DNMT3B: variants seen among roughly 807,000 people sequenced by gnomAD.
DNMT3B encodes DNA (cytosine-5)-methyltransferase 3B.
A neutral mutation model predicts 120.2 loss-of-function variants in DNMT3B; 37 were observed. The ratio of observed to expected loss-of-function variants is 0.31; its 90% CI spans 0.24 to 0.40. DNMT3B has a LOEUF of 0.40. Among genes scored for constraint, DNMT3B ranks in the 10% least tolerant of loss-of-function variants. The probability of loss-of-function intolerance (pLI) is 1.00; values close to 1 mark genes in which losing one functional copy is unlikely to be tolerated. For missense variants in DNMT3B, 878 were observed against 1,137.3 expected (o/e 0.77, Z 3.28); for synonymous variants, 412 against 442.8 (o/e 0.93, Z 0.87).
intron 1 of DNMT3B, chr20:32,779,958 A>G (rs546475094): frequency 7.1e-5 from 66 of 934,704 alleles, no homozygotes; most frequent in Non-Finnish European, 1.0e-4. Flanking sequence ...GAGGGGACAG[A>G]GGCTGGCGGC....
At chr20:32,790,144 C>T (rs1979801187) in intron 7 of DNMT3B, among the ~76,000 whole-genome samples, 1 of 152,162 alleles carries the variant, frequency 6.6e-6, no homozygotes, top group Admixed American at 6.5e-5. Flanking sequence ...TGAAGTTTCC[C>T]AAGGGCTACA....
At chr20:32,801,001 A>G (rs1326305176) in intron 18 of DNMT3B, 76 bp downstream of exon 18, 1 of 1,559,900 alleles carries the variant, frequency 6.4e-7, no homozygotes, top group East Asian at 2.2e-5. Context: ...GCAGCCTGAG[A>G]AGGAGCCACT....
At chr20:32,798,374 T>G in intron 14 of DNMT3B, 86 bp from the exon 15 acceptor site, 2 of 1,554,876 alleles carry the variant, frequency 1.3e-6, no homozygotes, top group Non-Finnish European at 1.8e-6. Context: ...AGGAGGGGGT[T>G]GGCATTTCCC....
At chr20:32,795,726 C>T (rs1220654581) in intron 12 of DNMT3B, 32 bp downstream of exon 12, 1 of 1,613,298 alleles carries the variant, frequency 6.2e-7, no homozygotes, top group Middle Eastern at 1.7e-4. Flanking sequence ...TCATCCCCCT[C>T]ACACCCTGGC....
chr20:32,783,155 G>A (rs1978830590), intron 3 of DNMT3B, among the ~76,000 whole-genome samples: 1 of 152,226 alleles, frequency 6.6e-6, no homozygotes, highest in East Asian at 1.9e-4. Context: ...TCGAACTCCT[G>A]GCCTCAAGTG....
intron 9 of DNMT3B, among the ~76,000 whole-genome samples, chr20:32,793,265 G>A (rs1052205099): frequency 6.6e-5 from 10 of 152,128 alleles, no homozygotes; most frequent in East Asian, 5.8e-4. Flanking sequence ...AGGCTGAGGC[G>A]AGTGGATCAC....
rs142746883 is a variant in DNMT3B at position 32,794,222 on chromosome 20, G to T, written c.1126+627G>T. 7.1e-3 allele frequency among the ~76,000 whole-genome samples: 1,073 copies of T among 151,454 alleles called. 7 individuals are homozygous for T. Among genetic ancestry groups the T allele is most frequent in the African/African-American group, 0.025 (1,015 of 41,284 alleles). ...GAGAAATACAAAATTAGCTGGGTGA[G>T]GTGGTGTGTGCCTGTGGAGGCTGAG... is the stretch of plus-strand genomic sequence containing the variant. On this transcript the variant is annotated intron_variant, in intron 10 of 22. Coordinates refer to ENST00000328111, the MANE Select transcript of DNMT3B (RefSeq NM_006892.4).
rs77355896 is a variant in DNMT3B, at chr20:32,800,931, C to T, written c.1996+6C>T. On this transcript the variant is annotated splice_donor_region_variant and intron_variant, in intron 18 of 22. Transcript: ENST00000328111. The stretch of plus-strand genomic sequence containing the variant: ...AGCCAGGAAAGGCCTGTATGGTGAG[C>T]ATCCTTCTCTCTGGCAGTCCCTGGA... 5,847 of 1,614,140 alleles carry T rather than the reference C, an allele frequency of 3.6e-3. 148 individuals are homozygous for T. In the African/African-American group the frequency reaches 0.064, roughly 18 times the overall value.
intron 1 of DNMT3B, among the ~76,000 whole-genome samples, chr20:32,773,958 T>TTA (rs1987912340): frequency 6.8e-6 from 1 of 147,768 alleles, no homozygotes. Flanking sequence ...TTTTTTTTTT[T>TTA]TTACGCTTTC....
At chr20:32,787,958 G>A (rs2030856569) in intron 6 of DNMT3B, among the ~76,000 whole-genome samples, 1 of 152,094 alleles carries the variant, frequency 6.6e-6, no homozygotes, top group African/African-American at 2.4e-5. Flanking sequence ...TGCTCAGTGG[G>A]GGAGTTTTTT....
At chr20:32,793,468 A>G in intron 9 of DNMT3B, 68 bp from the exon 10 acceptor site, 4 of 1,570,454 alleles carry the variant, frequency 2.5e-6, no homozygotes, top group Non-Finnish European at 3.5e-6. Context: ...ACCTTGTCTC[A>G]AAAAAGAAAA....
intron 1 of DNMT3B, among the ~76,000 whole-genome samples, chr20:32,765,425 TC>T (rs148275442): frequency 0.29 from 40,386 of 138,576 alleles, 7,865 homozygotes; most frequent in East Asian, 0.69. Flanking sequence ...TTTTTTTCTT[TC>T]TTTTTTTTTT....
intron 12 of DNMT3B, 44 bp downstream of exon 12, chr20:32,795,738 A>G: frequency 1.2e-6 from 2 of 1,611,806 alleles, no homozygotes; most frequent in Non-Finnish European, 1.7e-6. Context: ...CACCCTGGCT[A>G]GGGCTCTAGG....
At chr20:32,804,509 G>A (rs555086515) in intron 20 of DNMT3B, among the ~76,000 whole-genome samples, 20 of 152,210 alleles carry the variant, frequency 1.3e-4, no homozygotes, top group African/African-American at 4.3e-4. Flanking sequence ...TGGCCTTGAC[G>A]TTCCTAACAC....
chr20:32,782,870 T>C (rs746246392), intron 3 of DNMT3B, among the ~76,000 whole-genome samples: 2 of 152,146 alleles, frequency 1.3e-5, no homozygotes, highest in Non-Finnish European at 2.9e-5. Context: ...TCCAACTTGG[T>C]TATGGTGCAT....
In DNMT3B at chr20:32,798,624, G is replaced by A. The variant is rs1238835071; in HGVS notation, c.1655G>A (p.Ser552Asn). 1 of 1,614,040 alleles carries A rather than the reference G, an allele frequency of 6.2e-7. No individual in the cohort carries two copies. Among genetic ancestry groups the A allele is most frequent in the Non-Finnish European group, 8.5e-7 (1 of 1,180,046 alleles). Residue 552 changes from serine (S) to asparagine (N), a missense_variant, in exon 15 of 23, where the codon AGT (serine) becomes AAT (asparagine). Ser to Asn is a conservative substitution (Grantham distance 46, BLOSUM62 1). Around this residue, in one of 4 missense-constraint regions of DNMT3B, gnomAD observed 334 missense variants for 518.8 expected, o/e 0.64. Coordinates refer to ENST00000328111, the MANE Select transcript of DNMT3B (RefSeq NM_006892.4). The part of the protein sequence containing the change: ...WNVRLQAFFT[S>N]DTGLEYEAPK... Reference sequence around the variant, plus strand: ...GTGCGCCTGCAGGCCTTCTTCACCAGTGACACGGGGCTTGAATATGTAAGC... The same window carrying A: ...GTGCGCCTGCAGGCCTTCTTCACCAATGACACGGGGCTTGAATATGTAAGC...
intron 1 of DNMT3B, 67 bp from the exon 2 acceptor site, chr20:32,780,251 G>C: frequency 6.2e-7 from 1 of 1,613,162 alleles, no homozygotes; most frequent in East Asian, 2.2e-5. Flanking sequence ...AGCCCATGGC[G>C]GGGGAACACT....
intron 1 of DNMT3B, among the ~76,000 whole-genome samples, chr20:32,767,666 G>A (rs772246829): frequency 3.9e-5 from 6 of 152,042 alleles, no homozygotes; most frequent in African/African-American, 7.2e-5. Context: ...CAAACTCCTC[G>A]GCTCAAGCAA....
chr20:32,770,691 C>A (rs1489011734), intron 1 of DNMT3B, among the ~76,000 whole-genome samples: 2 of 151,190 alleles, frequency 1.3e-5, no homozygotes, highest in African/African-American at 2.4e-5. Context: ...TGGTTCACCA[C>A]AACCTCCGCC....
Sources: allele counts gnomAD v4.1 joint callset (sites outside exome capture counted in the v4.1 genomes callset), GRCh38; gene constraint gnomAD v4.1.1; regional missense constraint gnomAD v4.1.1; transcripts MANE v1.5; gene names NCBI Gene and HGNC (gene_info 2026-07-23, HGNC 2026-07-21).